The following NUMA1 variants were observed in gnomAD, a reference collection of about 807,000 sequenced individuals.
NUMA1 encodes nuclear mitotic apparatus protein 1, also known as SP-H antigen.
In NUMA1, 62 loss-of-function variants were observed where a neutral mutation model predicts 237.1. That is an observed-to-expected ratio of 0.26 (90% CI 0.21 to 0.32). The LOEUF (loss-of-function observed/expected upper bound fraction) is 0.32. Among genes scored for constraint, NUMA1 ranks in the 10% least tolerant of loss-of-function variants. NUMA1 has a pLI of 1.00. For missense variants in NUMA1, 2,533 were observed against 2,666.5 expected (o/e 0.95, Z 1.10); for synonymous variants, 1,028 against 1,066.1 (o/e 0.96, Z 0.70).
At position 72,012,018 on chromosome 11, in the gene NUMA1, G is replaced by A. The variant is rs79081634; in HGVS notation, c.4650+383C>T. 2.2e-4 allele frequency among the ~76,000 whole-genome samples: 34 copies of A among 152,324 alleles called. No homozygotes were observed. The East Asian group carries it at 5.6e-3, about 25-fold the overall frequency. The stretch of plus-strand genomic sequence containing the variant: ...AAGGGACACCATGTTAAACAAGGCC[G>A]ACACGGTAATTCTGCTGTTCCTCTT... On this transcript the variant is annotated intron_variant, in intron 16 of 26. Coordinates refer to ENST00000393695, the MANE Select transcript of NUMA1 (RefSeq NM_006185.4).
intron 2 of NUMA1, among the ~76,000 whole-genome samples, chr11:72,046,678 G>A (rs966641843): frequency 1.1e-4 from 16 of 152,108 alleles, no homozygotes; most frequent in South Asian, 2.1e-4. Context: ...TCAGTAGGGA[G>A]GGCTGGGCAC....
At chr11:72,004,438 C>T in intron 24 of NUMA1, 97 bp from the exon 25 acceptor site, 1 of 1,263,834 alleles carries the variant, frequency 7.9e-7, no homozygotes, top group East Asian at 2.3e-5. Flanking sequence ...CCTTGTAAGT[C>T]AACGTGCAAC....
rs574868775 is a variant in NUMA1 at position 72,004,962 on chromosome 11, T to C, written c.5830-146A>G. 12 of 873,570 alleles carry C rather than the reference T, an allele frequency of 1.4e-5. No individual in the cohort carries two copies. In the South Asian group the frequency reaches 2.2e-4, roughly 16 times the overall value. 54.1% of individuals were successfully genotyped at this position (873,570 alleles called of 1,614,324 possible). A position where few individuals can be genotyped will look rare whatever the true frequency, so the allele number is the denominator to read the frequency against. ...GAGGTAGAAAGACACAAGGCCTCCTTTCCTGTTCTGCTTTCTACCTAAGCC... is the reference window on the plus strand; with the variant it reads ...GAGGTAGAAAGACACAAGGCCTCCTCTCCTGTTCTGCTTTCTACCTAAGCC... On this transcript the variant is annotated intron_variant, in intron 23 of 26. Transcript: ENST00000393695.
chr11:72,019,578 T>C lies in NUMA1; in HGVS notation c.500A>G (p.Glu167Gly). The C allele has an allele frequency of 6.2e-7, 1 of 1,613,960 alleles. No individual in the cohort carries two copies. The highest frequency in any genetic ancestry group is 8.5e-7 in the Non-Finnish European group (1 of 1,179,896). ...GGCCTGGTGGCTAGGTGGGGAGAGC[T>C]CTTCAGGGAATGTGCTAGAACAGGT... ...PSTCSSTFPE[E>G]LSPPSHQAKR... Residue 167 changes from glutamate to glycine, a missense_variant, in exon 9 of 27, where the codon GAG becomes GGG. Glu to Gly is a moderately conservative substitution (Grantham distance 98). Transcript: ENST00000393695.
intron 4 of NUMA1, among the ~76,000 whole-genome samples, chr11:72,025,526 T>C (rs1939468223): frequency 1.3e-5 from 2 of 152,200 alleles, no homozygotes; most frequent in African/African-American, 4.8e-5. Flanking sequence ...TGCAGTTCCA[T>C]TTTCAGAAGC....
chr11:72,005,330 G>A lies in NUMA1; in HGVS notation c.5732C>T (p.Pro1911Leu). 1 of 1,608,108 alleles carries A rather than the reference G, an allele frequency of 6.2e-7. No individual in the cohort carries two copies. The highest frequency in any genetic ancestry group is 8.5e-7 in the Non-Finnish European group (1 of 1,177,422). ...SFYMGTCQDE[P>L]EQLDDWNRIA... ...GCGGTTCCAGTCATCCAGCTGCTCAGGCTCATCCTGGCAAGTGCCCATGTA... is the reference window on the plus strand; with the variant it reads ...GCGGTTCCAGTCATCCAGCTGCTCAAGCTCATCCTGGCAAGTGCCCATGTA... The change falls in exon 23 of 27, where the codon CCT becomes CTT. Residue 1911 changes from proline to leucine, a missense_variant. Around this residue, in one of 3 missense-constraint regions of NUMA1, gnomAD observed 795 missense variants for 750.8 expected, o/e 1.06. Transcript: ENST00000393695.
In NUMA1 at chr11:72,007,451, C is replaced by T. The variant is rs780704935; in HGVS notation, c.5217-16G>A. On this transcript the variant is annotated splice_polypyrimidine_tract_variant and intron_variant, in intron 20 of 26. Coordinates refer to ENST00000393695, the MANE Select transcript of NUMA1 (RefSeq NM_006185.4). ...AGGCAGCTTGCTATGGAAAGGAAAC[C>T]TGCTGAGGTACAGTCCTTCACGCTA... The T allele has an allele frequency of 1.2e-6, 2 of 1,612,444 alleles. No homozygotes were observed. The highest frequency in any genetic ancestry group is 2.7e-5 in the African/African-American group (2 of 74,994).
rs137943559 is a variant in NUMA1, at chr11:72,015,547, C to T, written c.1956G>A (p.Val652=). The change falls in exon 15 of 27, where the codon GTG becomes GTA. Residue 652 remains valine (V), a synonymous_variant. Transcript: ENST00000393695. This position sits in a 1 kb window ranked among gnomAD's most constrained non-coding sequence, Gnocchi z 4.0. ...TCTCAACACAGGCCTGGAGTTCCTC[C>T]ACCTTCCGGCTCAGCTCTGCCTTCT... The part of the protein sequence containing the change: ...QREKAELSRK[V]EELQACVETA... 24 of 1,613,470 alleles carry T rather than the reference C, an allele frequency of 1.5e-5. No individual in the cohort carries two copies. The highest frequency in any genetic ancestry group is 2.0e-5 in the Non-Finnish European group (24 of 1,180,050).
chr11:72,055,814 C>G (rs1302885376), intron 2 of NUMA1, among the ~76,000 whole-genome samples: 1 of 148,252 alleles, frequency 6.7e-6, no homozygotes, highest in Non-Finnish European at 1.5e-5. Context: ...ACCCCCATCT[C>G]TCAAAAAAAA....
chr11:72,018,026 A>G lies in NUMA1; in HGVS notation c.978+157T>C, dbSNP rs928766430. 7 of 934,186 alleles carry G rather than the reference A, an allele frequency of 7.5e-6. No homozygotes were observed. In the African/African-American group the frequency reaches 1.2e-4, roughly 15 times the overall value. The allele number at this position is 934,186 out of a possible 1,614,324, so 57.9% of individuals were successfully genotyped here. ...ACAGCCCAGTACCCGGGAAGCCGCC[A>G]ATTATGGGATAAGGAAAGGGGCAAA... On this transcript the variant is annotated intron_variant, in intron 12 of 26. Coordinates refer to ENST00000393695, the MANE Select transcript of NUMA1 (RefSeq NM_006185.4).
chr11:72,010,107 A>G (rs935232054), intron 17 of NUMA1, among the ~76,000 whole-genome samples: 2 of 152,198 alleles, frequency 1.3e-5, no homozygotes, highest in Non-Finnish European at 2.9e-5. Context: ...GTTTATTGCA[A>G]TCAAGACATG....
chr11:72,021,063 C>G, intron 8 of NUMA1, 141 bp downstream of exon 8: 1 of 686,626 alleles, frequency 1.5e-6, no homozygotes, highest in East Asian at 2.7e-5. Context: ...TCGACCTACT[C>G]CATTACACAC....
chr11:72,021,970 A>G (rs2135331717), intron 7 of NUMA1, among the ~76,000 whole-genome samples: 1 of 150,994 alleles, frequency 6.6e-6, no homozygotes, highest in East Asian at 2.0e-4. Flanking sequence ...ACCAGAGGAA[A>G]GGATGAGATA....
chr11:72,052,911 A>T (rs188082940), intron 2 of NUMA1, among the ~76,000 whole-genome samples: 1 of 152,366 alleles, frequency 6.6e-6, no homozygotes, highest in Admixed American at 6.5e-5. Context: ...ATGTTTCAGA[A>T]GGGAAACTGT....
chr11:72,064,719 G>C (rs907461698), intron 2 of NUMA1, among the ~76,000 whole-genome samples: 5 of 152,128 alleles, frequency 3.3e-5, no homozygotes, highest in African/African-American at 1.2e-4. Context: ...TGTAGTCCTA[G>C]CTATTTGGGA....
At chr11:72,008,563 C>G (rs752180300) in intron 20 of NUMA1, 125 bp downstream of exon 20, 3 of 1,105,014 alleles carry the variant, frequency 2.7e-6, no homozygotes, top group Non-Finnish European at 4.1e-6. Context: ...TGGTATAATA[C>G]CCGTTTTTCG....
At chr11:72,005,463 C>G (rs1237816003) in intron 22 of NUMA1, 94 bp from the exon 23 acceptor site, 11 of 1,253,302 alleles carry the variant, frequency 8.8e-6, no homozygotes, top group Non-Finnish European at 1.2e-5. Flanking sequence ...GCCACCTACC[C>G]CATAAACTTG....
intron 2 of NUMA1, among the ~76,000 whole-genome samples, chr11:72,064,517 C>A (rs1329616508): frequency 6.6e-6 from 1 of 151,868 alleles, no homozygotes; most frequent in Admixed American, 6.6e-5. Flanking sequence ...TGGGGAAATA[C>A]TCAAGAAATG....
chr11:72,061,926 A>T (rs945842641), intron 2 of NUMA1, among the ~76,000 whole-genome samples: 2 of 152,030 alleles, frequency 1.3e-5, no homozygotes, highest in Admixed American at 1.3e-4. Context: ...ACACACATAC[A>T]CATCACACCA....
Sources: allele counts gnomAD v4.1 joint callset (sites outside exome capture counted in the v4.1 genomes callset), GRCh38; gene constraint gnomAD v4.1.1; regional missense constraint gnomAD v4.1.1; non-coding constraint Gnocchi (gnomAD v3.1); transcripts MANE v1.5; gene names NCBI Gene and HGNC (gene_info 2026-07-23, HGNC 2026-07-21).